The following GUCY1A2 variants were observed in gnomAD, a reference collection of about 807,000 sequenced individuals.
GUCY1A2 encodes the protein guanylate cyclase 1 soluble subunit alpha 2.
Under a neutral mutation model 63.5 loss-of-function variants are expected in GUCY1A2, and 27 were observed. The observed-to-expected ratio is 0.43, with a 90% confidence interval of 0.31 to 0.59. The LOEUF (loss-of-function observed/expected upper bound fraction) is 0.59, where lower values mean the gene tolerates loss of function less well. Ranked by LOEUF, GUCY1A2 falls within the 20% of genes least tolerant of loss-of-function variation. The probability of loss-of-function intolerance (pLI) is 0.11; values close to 1 mark genes in which losing one functional copy is unlikely to be tolerated. For missense variants in GUCY1A2, 768 were observed against 913.3 expected (o/e 0.84, Z 2.05); for synonymous variants, 364 against 343.5 (o/e 1.06, Z -0.66).
intron 4 of GUCY1A2, among the ~76,000 whole-genome samples, chr11:106,888,564 C>T (rs377616950): frequency 2.0e-5 from 3 of 152,096 alleles, no homozygotes; most frequent in East Asian, 3.9e-4. Flanking sequence ...GAAAGTGACA[C>T]GATTGTTTTT....
In GUCY1A2 at chr11:106,858,186, T is replaced by C. The variant is rs549379057; in HGVS notation, c.1207-47708A>G. ...TATCTCTTAAAACATAAATAAGTCT[T>C]GGAGAGTTATGGTTACCAGTGATTC... On this transcript the variant is annotated intron_variant, in intron 4 of 7. Transcript: ENST00000526355. 1.5e-4 allele frequency among the ~76,000 whole-genome samples: 23 copies of C among 152,308 alleles called. No individual in the cohort carries two copies. In the South Asian group the frequency reaches 3.5e-3, roughly 23 times the overall value.
chr11:106,772,402 C>T (rs116750352), intron 6 of GUCY1A2, among the ~76,000 whole-genome samples: 2,517 of 152,196 alleles, frequency 0.017, 69 homozygotes, highest in African/African-American at 0.057. Context: ...AAAAGATTCT[C>T]TCAATAAGTT....
intron 4 of GUCY1A2, among the ~76,000 whole-genome samples, chr11:106,840,985 AT>A (rs1397098945): frequency 6.6e-6 from 1 of 151,950 alleles, no homozygotes; most frequent in African/African-American, 2.4e-5. Context: ...TAATTTTTCC[AT>A]TTGATGGAGT....
At chr11:106,885,494 C>T (rs1413990488) in intron 4 of GUCY1A2, among the ~76,000 whole-genome samples, 2 of 152,090 alleles carry the variant, frequency 1.3e-5, no homozygotes, top group South Asian at 2.1e-4. Flanking sequence ...GAATTCATGT[C>T]CACTAGCATA....
chr11:106,936,452 T>C (rs1365287017), intron 4 of GUCY1A2, among the ~76,000 whole-genome samples: 1 of 152,176 alleles, frequency 6.6e-6, no homozygotes, highest in African/African-American at 2.4e-5. Flanking sequence ...ATGTTTGACA[T>C]CTGATAAGGA....
chr11:106,908,936 T>G (rs1860252255), intron 4 of GUCY1A2, among the ~76,000 whole-genome samples: 1 of 152,042 alleles, frequency 6.6e-6, no homozygotes, highest in South Asian at 2.1e-4. Context: ...GAAGAAATAT[T>G]TTTGGAATTG....
intron 4 of GUCY1A2, among the ~76,000 whole-genome samples, chr11:106,870,051 A>G (rs999555168): frequency 3.4e-5 from 5 of 147,522 alleles, no homozygotes; most frequent in Middle Eastern, 3.2e-3. Context: ...TGGGAAATGA[A>G]AAATGAGAAC....
chr11:106,694,150 T>C (rs182128450), intron 7 of GUCY1A2, among the ~76,000 whole-genome samples: 39 of 152,316 alleles, frequency 2.6e-4, no homozygotes, highest in African/African-American at 8.9e-4. Flanking sequence ...AATATTCCAA[T>C]CATTCCTATG....
At chr11:106,949,256 C>T (rs1417898827) in intron 3 of GUCY1A2, among the ~76,000 whole-genome samples, 1 of 152,130 alleles carries the variant, frequency 6.6e-6, no homozygotes, top group African/African-American at 2.4e-5. Context: ...CTGTTGCCTT[C>T]TGAATAAAGT....
At chr11:106,844,368 G>A (rs1000910509) in intron 4 of GUCY1A2, among the ~76,000 whole-genome samples, 3 of 151,722 alleles carry the variant, frequency 2.0e-5, no homozygotes, top group Admixed American at 6.6e-5. Flanking sequence ...TTCGGAATAT[G>A]TGCAATACCT....
chr11:106,718,053 G>A (rs990717777), intron 6 of GUCY1A2, among the ~76,000 whole-genome samples: 2 of 151,888 alleles, frequency 1.3e-5, no homozygotes, highest in Admixed American at 1.3e-4. Context: ...CTTTTTATCA[G>A]AGGACTCAGC....
intron 6 of GUCY1A2, among the ~76,000 whole-genome samples, chr11:106,709,486 TTA>T (rs375417308): frequency 0.53 from 44,428 of 83,164 alleles, 13,748 homozygotes; most frequent in African/African-American, 0.73. Context: ...TATTATATAT[TTA>T]TATATATATA....
intron 4 of GUCY1A2, among the ~76,000 whole-genome samples, chr11:106,814,134 T>C (rs1032081196): frequency 6.6e-6 from 1 of 152,100 alleles, no homozygotes; most frequent in African/African-American, 2.4e-5. Context: ...AAAGAGATGT[T>C]CACAATGGGC....
intron 7 of GUCY1A2, among the ~76,000 whole-genome samples, chr11:106,698,284 A>AT (rs113286447): frequency 0.3 from 43,220 of 141,846 alleles, 6,687 homozygotes; most frequent in African/African-American, 0.38. Flanking sequence ...ATGTCTGGGG[A>AT]TTTTTTTTTT....
At chr11:106,954,393 C>G (rs1000295304) in intron 3 of GUCY1A2, among the ~76,000 whole-genome samples, 1 of 152,066 alleles carries the variant, frequency 6.6e-6, no homozygotes, top group Non-Finnish European at 1.5e-5. Flanking sequence ...GATTTCAGTT[C>G]TTTTGCATTT....
At position 106,698,119 on chromosome 11, in the gene GUCY1A2, A is replaced by ATTTTTTTTTTTTTTTTTTTTT. The variant is rs71470827; in HGVS notation, c.1992-10364_1992-10363insAAAAAAAAAAAAAAAAAAAAA. Among the ~76,000 whole-genome samples, 34 of 100,482 alleles carry ATTTTTTTTTTTTTTTTTTTTT rather than the reference A, an allele frequency of 3.4e-4. 1 individual carries two copies. Among genetic ancestry groups the ATTTTTTTTTTTTTTTTTTTTT allele is most frequent in the East Asian group, 7.5e-4 (3 of 4,018 alleles). The allele number at this position is 100,482 out of a possible 152,430, so 65.9% of individuals were successfully genotyped here. On this transcript the variant is annotated intron_variant, in intron 7 of 7. Transcript: ENST00000526355. ...TTTACAGCTTTCACTGAATGTTAGA[A>ATTTTTTTTTTTTTTTTTTTTT]TTTTTTTTTTTTTTTTTTTAGACAG... is the stretch of plus-strand genomic sequence containing the variant.
chr11:106,753,140 T>A (rs1467291609), intron 6 of GUCY1A2, among the ~76,000 whole-genome samples: 1 of 152,234 alleles, frequency 6.6e-6, no homozygotes, highest in Non-Finnish European at 1.5e-5. Flanking sequence ...CTTTTTCATA[T>A]GTCTGTTGGC....
intron 5 of GUCY1A2, among the ~76,000 whole-genome samples, chr11:106,804,222 G>A (rs1252122727): frequency 2.0e-5 from 3 of 152,126 alleles, no homozygotes; most frequent in African/African-American, 7.2e-5. Context: ...AAACATTGTT[G>A]CTTTGTTTCC....
intron 4 of GUCY1A2, among the ~76,000 whole-genome samples, chr11:106,888,290 C>G (rs1253673594): frequency 7.4e-5 from 11 of 148,554 alleles, no homozygotes; most frequent in Admixed American, 4.1e-4. Flanking sequence ...AACCCCCTCT[C>G]TACTAAAAAT....
Sources: allele counts gnomAD v4.1 joint callset (sites outside exome capture counted in the v4.1 genomes callset), GRCh38; gene constraint gnomAD v4.1.1; transcripts MANE v1.5; gene names NCBI Gene and HGNC (gene_info 2026-07-23, HGNC 2026-07-21).